CHN1: variants seen among roughly 807,000 people sequenced by gnomAD.
The protein encoded by CHN1 is N-chimaerin.
A neutral mutation model predicts 59.5 loss-of-function variants in CHN1; 37 were observed. The observed-to-expected ratio is 0.62, with a 90% CI of 0.48 to 0.82. CHN1 has a LOEUF of 0.82. Among genes scored for constraint, CHN1 ranks in the 40% least tolerant of loss-of-function variants. The probability of loss-of-function intolerance (pLI) is 0.00; values close to 1 mark genes in which losing one functional copy is unlikely to be tolerated. For synonymous variants in CHN1, 206 were observed against 200.4 expected (o/e 1.03, Z -0.24); for missense variants, 469 against 571.0 (o/e 0.82, Z 1.82).
chr2:174,892,334 G>A (rs905220047), intron 5 of CHN1, among the ~76,000 whole-genome samples: 2 of 152,194 alleles, frequency 1.3e-5, no homozygotes, highest in Non-Finnish European at 2.9e-5. Flanking sequence ...CTTTGTAAAT[G>A]GAATTAAAGC....
At chr2:174,927,005 G>A (rs1013141973) in intron 3 of CHN1, among the ~76,000 whole-genome samples, 17 of 151,924 alleles carry the variant, frequency 1.1e-4, no homozygotes, top group Middle Eastern at 3.2e-3. Context: ...TGATCTGCCC[G>A]CCTCAGCCTT....
chr2:174,981,995 G>A (rs1186324430), intron 1 of CHN1, among the ~76,000 whole-genome samples: 1 of 151,984 alleles, frequency 6.6e-6, no homozygotes, highest in Non-Finnish European at 1.5e-5. Flanking sequence ...CCCTTCCTGT[G>A]TCCATGTGTT....
intron 6 of CHN1, among the ~76,000 whole-genome samples, chr2:174,859,399 G>A (rs1415722428): frequency 6.6e-6 from 1 of 152,088 alleles, no homozygotes; most frequent in East Asian, 1.9e-4. Flanking sequence ...CCTCTTCCAG[G>A]CCTAGGCCTG....
Position 174,889,869 on chromosome 2 carries a change from G to A in CHN1, c.261-11741C>T, listed in dbSNP as rs1312810284. ...TAAGAAGCTTGAAGAATTCTAACCA[G>A]AATAAATAAATATGTGTGTGTGTGT... On this transcript the variant is annotated intron_variant, in intron 5 of 12. Coordinates refer to ENST00000409900, the MANE Select transcript of CHN1 (RefSeq NM_001822.7). Among the ~76,000 whole-genome samples the A allele has an allele frequency of 4.0e-4, 60 of 151,264 alleles. 1 individual carries two copies. The highest frequency in any genetic ancestry group is 1.5e-5 in the Non-Finnish European group (1 of 67,822).
chr2:174,982,235 G>C (rs1691179275), intron 1 of CHN1, among the ~76,000 whole-genome samples: 1 of 152,118 alleles, frequency 6.6e-6, no homozygotes, highest in Admixed American at 6.5e-5. Context: ...CTTTGCTATT[G>C]TGAATAGTGC....
intron 1 of CHN1, among the ~76,000 whole-genome samples, chr2:174,991,767 A>G (rs543026546): frequency 1.3e-5 from 2 of 152,348 alleles, no homozygotes; most frequent in African/African-American, 2.4e-5. Context: ...AAAATGCTTT[A>G]TATTTCTACC....
intron 1 of CHN1, among the ~76,000 whole-genome samples, chr2:174,960,684 T>C (rs1203716051): frequency 6.6e-6 from 1 of 151,800 alleles, no homozygotes; most frequent in Non-Finnish European, 1.5e-5. Context: ...CAGCCAGGCG[T>C]GGTGGTGCAC....
intron 7 of CHN1, among the ~76,000 whole-genome samples, chr2:174,838,248 C>T (rs1686161920): frequency 1.3e-5 from 2 of 152,144 alleles, no homozygotes; most frequent in Admixed American, 1.3e-4. Flanking sequence ...CATGCACCAT[C>T]ACGCCCGGCT....
At chr2:174,999,696 A>T (rs1234501821) in intron 1 of CHN1, among the ~76,000 whole-genome samples, 1 of 152,226 alleles carries the variant, frequency 6.6e-6, no homozygotes, top group Admixed American at 6.5e-5. Context: ...TATTTACGTT[A>T]TGCAGAAAGC....
intron 6 of CHN1, among the ~76,000 whole-genome samples, chr2:174,863,928 C>A (rs1687139412): frequency 6.6e-6 from 1 of 152,062 alleles, no homozygotes; most frequent in East Asian, 1.9e-4. Context: ...TCAGAACTTC[C>A]CCCAAATTTA....
chr2:174,810,121 T>C (rs1685024865), intron 10 of CHN1, among the ~76,000 whole-genome samples: 1 of 152,192 alleles, frequency 6.6e-6, no homozygotes, highest in Non-Finnish European at 1.5e-5. Flanking sequence ...CCTTAATTAC[T>C]CCAAATTATT....
intron 2 of CHN1, chr2:174,945,167 T>C: frequency 1.9e-6 from 1 of 532,808 alleles, no homozygotes; most frequent in Admixed American, 3.2e-5. Context: ...AGTGTCTTTT[T>C]ACCTTATAAC....
intron 1 of CHN1, among the ~76,000 whole-genome samples, chr2:174,957,531 A>T (rs1008104233): frequency 6.6e-6 from 1 of 152,002 alleles, no homozygotes; most frequent in Non-Finnish European, 1.5e-5. Context: ...TACTAGAAAA[A>T]ATTTGCCTGT....
intron 1 of CHN1, among the ~76,000 whole-genome samples, chr2:174,958,293 T>C (rs1278735272): frequency 2.0e-5 from 3 of 152,210 alleles, no homozygotes; most frequent in Non-Finnish European, 4.4e-5. Context: ...TGGCTGATTT[T>C]AATATGTATC....
chr2:174,878,516 A>C (rs1010095897), intron 5 of CHN1, among the ~76,000 whole-genome samples: 8 of 152,196 alleles, frequency 5.3e-5, no homozygotes, highest in African/African-American at 1.9e-4. Flanking sequence ...TTTTTTCTTC[A>C]AGTTGATCAA....
At chr2:174,827,787 G>C (rs1322731848) in intron 7 of CHN1, among the ~76,000 whole-genome samples, 1 of 152,182 alleles carries the variant, frequency 6.6e-6, no homozygotes, top group Non-Finnish European at 1.5e-5. Context: ...AATTGAAACA[G>C]AGGCAACGGA....
At chr2:175,003,981 GA>G (rs756825881) in intron 1 of CHN1, among the ~76,000 whole-genome samples, 6 of 152,208 alleles carry the variant, frequency 3.9e-5, no homozygotes, top group Non-Finnish European at 8.8e-5. Context: ...AATTAAAACT[GA>G]ACTGGAAACT....
Position 174,805,807 on chromosome 2 carries a change from C to T in CHN1, c.1102+3098G>A, listed in dbSNP as rs557434298. ...CTTAGCAAAAGGGGCAGCTCAGTGG[C>T]AGAGCTGAGGAAATACTAACAAGTT... On this transcript the variant is annotated intron_variant, in intron 11 of 12. Coordinates refer to ENST00000409900, the MANE Select transcript of CHN1 (RefSeq NM_001822.7). Among the ~76,000 whole-genome samples, 3 of 148,606 alleles carry T rather than the reference C, an allele frequency of 2.0e-5. No homozygotes were observed. The East Asian group carries it at 5.9e-4, about 29-fold the overall frequency.
intron 6 of CHN1, among the ~76,000 whole-genome samples, chr2:174,876,577 AC>A (rs1021417128): frequency 3.3e-5 from 5 of 152,214 alleles, no homozygotes; most frequent in Non-Finnish European, 5.9e-5. Context: ...ATATAAAAAA[AC>A]AATTTTTATA....
Sources: gnomAD v4.1 joint callset for allele counts (sites outside exome capture counted in the v4.1 genomes callset) on GRCh38, gnomAD v4.1.1 for gene constraint, MANE v1.5 for transcripts, NCBI Gene and HGNC (gene_info 2026-07-23, HGNC 2026-07-21) for gene names.